FAM117B: variants seen among roughly 807,000 people sequenced by gnomAD.
FAM117B encodes family with sequence similarity 117 member B.
In FAM117B, 22 loss-of-function variants were observed where a neutral mutation model predicts 52.8. The observed-to-expected ratio is 0.42, with a 90% confidence interval of 0.30 to 0.59. The LOEUF (loss-of-function observed/expected upper bound fraction) is 0.59, where lower values mean the gene tolerates loss of function less well. FAM117B is among the 20% of genes least tolerant of loss of function. The probability of loss-of-function intolerance (pLI) is 0.22; values close to 1 mark genes in which losing one functional copy is unlikely to be tolerated. For synonymous variants in FAM117B, 309 were observed against 324.1 expected, an observed-to-expected ratio of 0.95 and a Z score of 0.50; for missense variants, 678 against 802.6, an observed-to-expected ratio of 0.84 and a Z score of 1.88.
chr2:202,740,874 C>A (rs1691523046), intron 4 of FAM117B, among the ~76,000 whole-genome samples: 1 of 151,746 alleles, frequency 6.6e-6, no homozygotes, highest in Non-Finnish European at 1.5e-5. Flanking sequence ...AAAAAAAAAG[C>A]CCTTGGGAAA....
intron 4 of FAM117B, among the ~76,000 whole-genome samples, chr2:202,747,680 TAAAG>T (rs1413993846): frequency 2.6e-5 from 4 of 151,050 alleles, no homozygotes; most frequent in Admixed American, 6.6e-5. Context: ...AAAAAAGAAA[TAAAG>T]AAAGCAATTC....
At chr2:202,640,232 C>T (rs990322777) in intron 1 of FAM117B, among the ~76,000 whole-genome samples, 7 of 144,778 alleles carry the variant, frequency 4.8e-5, no homozygotes, top group African/African-American at 1.8e-4. Flanking sequence ...GATTGTGCCA[C>T]TGCACTCCAG....
chr2:202,683,779 G>GT (rs1482433292), intron 1 of FAM117B, among the ~76,000 whole-genome samples: 1 of 152,104 alleles, frequency 6.6e-6, no homozygotes, highest in Non-Finnish European at 1.5e-5. Flanking sequence ...GAAAATAGAA[G>GT]AGATAATACC....
rs1016617631 is a variant in FAM117B at position 202,767,791 on chromosome 2, T to G, written c.*2027T>G. The G allele has an allele frequency of 6.6e-6, 1 of 152,230 alleles. No individual in the cohort carries two copies. The highest frequency in any genetic ancestry group is 1.5e-5 in the Non-Finnish European group (1 of 68,042). 9.4% of individuals were successfully genotyped at this position (152,230 alleles called of 1,614,324 possible). On this transcript the variant is annotated 3_prime_UTR_variant, in exon 8 of 8. Transcript: ENST00000392238. ...TCGAGATGCATTTAGGTAAATTGGA[T>G]AAATTCAACATTTGAATAAATCCGT...
At chr2:202,722,915 T>G (rs1574569696) in intron 2 of FAM117B, among the ~76,000 whole-genome samples, 1 of 152,206 alleles carries the variant, frequency 6.6e-6, no homozygotes, top group African/African-American at 2.4e-5. Context: ...TTTTGATACT[T>G]TATGCTATAT....
intron 1 of FAM117B, among the ~76,000 whole-genome samples, chr2:202,667,212 T>A (rs12474181): frequency 0.19 from 28,190 of 151,992 alleles, 3,311 homozygotes; most frequent in South Asian, 0.38. Flanking sequence ...GCAGTTCTCC[T>A]GCCTCACCCT....
intron 4 of FAM117B, among the ~76,000 whole-genome samples, chr2:202,733,563 G>T (rs990642493): frequency 2.4e-4 from 37 of 152,104 alleles, no homozygotes; most frequent in Admixed American, 2.4e-3. Flanking sequence ...AATATTCCTT[G>T]CTGGGAAAAG....
At position 202,757,278 on chromosome 2, in the gene FAM117B, C is replaced by T; in HGVS notation, c.1170C>T (p.Arg390=). 1 of 1,614,096 alleles carries T rather than the reference C, an allele frequency of 6.2e-7. No individual in the cohort carries two copies. The highest frequency in any genetic ancestry group is 8.5e-7 in the Non-Finnish European group (1 of 1,180,024). ...TTGTACAGAGAAGTAGCAGCACGCG[C>T]AGCATTGACACACAGACGCCTGGTG... ...PPLVQRSSST[R]SIDTQTPGGA... is the part of the protein sequence containing the mutation. Residue 390 remains arginine, a synonymous_variant, in exon 6 of 8, where the codon CGC becomes CGT. Transcript: ENST00000392238.
chr2:202,659,376 C>G (rs1269899143), intron 1 of FAM117B, among the ~76,000 whole-genome samples: 1 of 151,928 alleles, frequency 6.6e-6, no homozygotes, highest in East Asian at 1.9e-4. Flanking sequence ...AAAGTGTGAT[C>G]TTAGTTCACT....
intron 1 of FAM117B, among the ~76,000 whole-genome samples, chr2:202,666,867 G>T (rs372409906): frequency 1.3e-5 from 2 of 151,668 alleles, no homozygotes; most frequent in Non-Finnish European, 2.9e-5. Context: ...GGATGGTCTC[G>T]ATCTCCTGAC....
intron 1 of FAM117B, among the ~76,000 whole-genome samples, chr2:202,661,422 T>C (rs896722883): frequency 1.1e-4 from 16 of 152,206 alleles, no homozygotes; most frequent in African/African-American, 2.9e-4. Context: ...CCTTCTATAT[T>C]CCAACTATAA....
At position 202,699,729 on chromosome 2, in the gene FAM117B, C is replaced by G. The variant is rs796805702; in HGVS notation, c.753+3697C>G. 5.9e-5 allele frequency among the ~76,000 whole-genome samples: 9 copies of G among 152,158 alleles called. No individual in the cohort carries two copies. In the East Asian group the frequency reaches 1.2e-3, roughly 20 times the overall value. On this transcript the variant is annotated intron_variant, in intron 2 of 7. Transcript: ENST00000392238. ...ATATAACAAGGTTTGCTGGTTTGAC[C>G]ATTTAAAAATACATGCCTATGTCAT... is the stretch of plus-strand genomic sequence containing the variant.
chr2:202,718,484 A>C (rs1691094647), intron 2 of FAM117B, among the ~76,000 whole-genome samples: 2 of 152,114 alleles, frequency 1.3e-5, no homozygotes, highest in African/African-American at 4.8e-5. Context: ...TTATTTTGTT[A>C]ATGTGGCATA....
Position 202,634,982 on chromosome 2 carries a change from T to C in FAM117B, c.-206T>C, listed in dbSNP as rs961740597. 6.8e-6 allele frequency among the ~76,000 whole-genome samples: 1 copy of C among 147,914 alleles called. No homozygotes were observed. The highest frequency in any genetic ancestry group is 2.6e-5 in the African/African-American group (1 of 39,032). On this transcript the variant is annotated 5_prime_UTR_variant, in exon 1 of 8. Transcript: ENST00000392238. ...GGCGGGGGCAGCAGAGGAGACACTATTGTTGATGAGGAGCGGCGGCGGCGG... is the reference window on the plus strand; with the variant it reads ...GGCGGGGGCAGCAGAGGAGACACTACTGTTGATGAGGAGCGGCGGCGGCGG...
intron 4 of FAM117B, among the ~76,000 whole-genome samples, chr2:202,752,539 G>C (rs1178427550): frequency 3.3e-5 from 5 of 151,404 alleles, no homozygotes; most frequent in Non-Finnish European, 7.4e-5. Flanking sequence ...TCATTGATTA[G>C]AATCATTTCT....
intron 4 of FAM117B, among the ~76,000 whole-genome samples, chr2:202,749,531 TAGA>T (rs1691689092): frequency 1.3e-5 from 2 of 152,264 alleles, no homozygotes; most frequent in South Asian, 2.1e-4. Context: ...AAGGACTAGA[TAGA>T]AGAGTTTTTA....
intron 5 of FAM117B, 89 bp downstream of exon 5, chr2:202,755,770 T>C: frequency 7.5e-7 from 1 of 1,335,638 alleles, no homozygotes; most frequent in South Asian, 1.7e-5. Context: ...CTTGGGTTTC[T>C]TCCTTCTCAT....
intron 7 of FAM117B, 81 bp from the exon 8 acceptor site, chr2:202,765,364 GA>G: frequency 7.7e-7 from 1 of 1,301,542 alleles, no homozygotes; most frequent in East Asian, 2.3e-5. Flanking sequence ...AAAAATAAAA[GA>G]GCTTGTTTCC....
At chr2:202,674,275 T>A (rs1364189269) in intron 1 of FAM117B, among the ~76,000 whole-genome samples, 2 of 152,256 alleles carry the variant, frequency 1.3e-5, no homozygotes, top group Non-Finnish European at 2.9e-5. Context: ...AATTATCTCC[T>A]GGTTGCCTAA....
Sources: gnomAD v4.1 joint callset for allele counts (sites outside exome capture counted in the v4.1 genomes callset) on GRCh38, gnomAD v4.1.1 for gene constraint, MANE v1.5 for transcripts, NCBI Gene and HGNC (gene_info 2026-07-23, HGNC 2026-07-21) for gene names.